DMD: variants seen among roughly 807,000 people sequenced by gnomAD.
The protein encoded by DMD is dystrophin, also known as mutant dystrophin.
A neutral mutation model predicts 330.1 loss-of-function variants in DMD; 63 were observed. The observed-to-expected ratio is 0.19, with a 90% CI of 0.16 to 0.24. DMD has a LOEUF of 0.24. Ranked by LOEUF, DMD falls within the 10% of genes least tolerant of loss-of-function variation. The pLI is 1.00. For missense variants in DMD, 3,344 were observed against 2,684.1 expected, an observed-to-expected ratio of 1.25 and a Z score of -5.43; for synonymous variants, 1,223 against 959.8, an observed-to-expected ratio of 1.27 and a Z score of -5.07.
At chrX:31,988,413 G>T (rs1374937652) in intron 44 of DMD, among the ~76,000 whole-genome samples, 2 of 91,202 alleles carry the variant, frequency 2.2e-5, no homozygotes, top group African/African-American at 8.7e-5. Flanking sequence ...AGTGGAGCTT[G>T]CAGTGAGCCG....
intron 54 of DMD, among the ~76,000 whole-genome samples, chrX:31,649,422 T>G (rs1277281043): frequency 9.0e-6 from 1 of 111,330 alleles, no homozygotes; most frequent in Non-Finnish European, 1.9e-5. Flanking sequence ...CCCTGCAAGC[T>G]AGAAACATTC....
chrX:31,400,993 C>A (rs1433866460), intron 60 of DMD, among the ~76,000 whole-genome samples: 1 of 111,780 alleles, frequency 8.9e-6, no homozygotes, highest in Non-Finnish European at 1.9e-5. Flanking sequence ...TTTGAAACAA[C>A]CAGAACTGCT....
rs189886055 is a variant in DMD at position 31,416,098 on chromosome X, T to C, written c.9084+28383A>G. 5.1e-4 allele frequency among the ~76,000 whole-genome samples: 57 copies of C among 112,236 alleles called. 1 individual carries two copies. In the East Asian group the frequency reaches 0.015, roughly 29 times the overall value. On this transcript the variant is annotated intron_variant, in intron 60 of 78. Coordinates refer to ENST00000357033, the MANE Select transcript of DMD (RefSeq NM_004006.3). ...TCAACATAGATAGTTGGATATTTTATATGTGCAGTTAGTGCAACCTTCAAC... is the reference window on the plus strand; with the variant it reads ...TCAACATAGATAGTTGGATATTTTACATGTGCAGTTAGTGCAACCTTCAAC...
chrX:32,018,526 C>A (rs1188942992), intron 44 of DMD, among the ~76,000 whole-genome samples: 1 of 111,643 alleles, frequency 9.0e-6, no homozygotes, highest in Admixed American at 9.6e-5. Flanking sequence ...TACCACTACT[C>A]TATCTATAAA....
At chrX:31,235,889 T>C (rs1252298642) in intron 63 of DMD, among the ~76,000 whole-genome samples, 2 of 112,213 alleles carry the variant, frequency 1.8e-5, no homozygotes, top group African/African-American at 3.2e-5. Context: ...CTGTATTTAA[T>C]TGTGGCAGAT....
chrX:31,180,605 C>T, intron 68 of DMD, 124 bp from the exon 69 acceptor site: 1 of 547,832 alleles, frequency 1.8e-6, no homozygotes, highest in South Asian at 2.6e-5. Context: ...ATTAGTCCCA[C>T]AAGGTAAGTG....
intron 1 of DMD, among the ~76,000 whole-genome samples, chrX:33,138,157 G>A (rs2047613003): frequency 8.9e-6 from 1 of 111,766 alleles, no homozygotes; most frequent in Non-Finnish European, 1.9e-5. Flanking sequence ...GAAAGAGTTG[G>A]ATTTCCAACC....
At chrX:31,837,388 G>A (rs751483937) in intron 48 of DMD, among the ~76,000 whole-genome samples, 1 of 111,394 alleles carries the variant, frequency 9.0e-6, no homozygotes, top group South Asian at 3.7e-4. Flanking sequence ...TTTATTATTT[G>A]CTTTTCTTCA....
chrX:32,382,431 A>G (rs1200091490), intron 33 of DMD, among the ~76,000 whole-genome samples: 1 of 111,280 alleles, frequency 9.0e-6, no homozygotes, highest in African/African-American at 3.3e-5. Flanking sequence ...AGAAAAACAC[A>G]AAAGATAAAA....
At chrX:31,390,370 T>C (rs2046451052) in intron 60 of DMD, among the ~76,000 whole-genome samples, 1 of 110,293 alleles carries the variant, frequency 9.1e-6, no homozygotes, top group Admixed American at 9.8e-5. Context: ...CCATTTTGTA[T>C]CAATATTTTT....
At chrX:32,657,041 T>C (rs5972638) in intron 9 of DMD, among the ~76,000 whole-genome samples, 7,060 of 105,047 alleles carry the variant, frequency 0.067, 560 homozygotes, top group African/African-American at 0.24. Context: ...GTGTGTGTGT[T>C]TTCTTCCTCT....
chrX:31,727,250 T>C (rs1181595531), intron 52 of DMD, among the ~76,000 whole-genome samples: 2 of 112,173 alleles, frequency 1.8e-5, no homozygotes, highest in Non-Finnish European at 3.8e-5. Context: ...GGGAATTCAG[T>C]CTCATATTGA....
intron 56 of DMD, among the ~76,000 whole-genome samples, chrX:31,502,087 C>T (rs1410045767): frequency 9.0e-6 from 1 of 110,948 alleles, no homozygotes; most frequent in African/African-American, 3.3e-5. Context: ...GAATCTAGAC[C>T]CCTATCTCTC....
intron 44 of DMD, among the ~76,000 whole-genome samples, chrX:32,127,907 G>A (rs1461257387): frequency 9.0e-6 from 1 of 111,708 alleles, no homozygotes; most frequent in East Asian, 2.8e-4. Flanking sequence ...AAGATGATTG[G>A]ACCATAAATG....
At chrX:31,508,250 C>A (rs1214892588) in intron 55 of DMD, 2 of 1,205,031 alleles carry the variant, frequency 1.7e-6, no homozygotes, top group African/African-American at 3.5e-5. Flanking sequence ...TCAGCTTGAA[C>A]CGGGCACTAC....
chrX:32,321,600 T>G (rs979290017), intron 41 of DMD, among the ~76,000 whole-genome samples: 1 of 111,545 alleles, frequency 9.0e-6, no homozygotes, highest in Non-Finnish European at 1.9e-5. Flanking sequence ...CAGAGATGTT[T>G]TCCCATATGT....
intron 1 of DMD, among the ~76,000 whole-genome samples, chrX:33,271,627 T>C (rs1361099450): frequency 9.4e-6 from 1 of 106,730 alleles, no homozygotes; most frequent in Non-Finnish European, 1.9e-5. Context: ...ATTAGCCGGG[T>C]GTGTGGCGGG....
At chrX:32,733,180 T>C (rs1960720959) in intron 7 of DMD, among the ~76,000 whole-genome samples, 1 of 110,239 alleles carries the variant, frequency 9.1e-6, no homozygotes, top group South Asian at 3.8e-4. Flanking sequence ...CATTACATAA[T>C]GGTAAAGGAA....
At chrX:32,149,348 C>T (rs764753981) in intron 44 of DMD, among the ~76,000 whole-genome samples, 41 of 111,948 alleles carry the variant, frequency 3.7e-4, no homozygotes, top group African/African-American at 1.3e-3. Flanking sequence ...CTCATAAAAA[C>T]AGCTAATATT....
Sources: gnomAD v4.1 joint callset for allele counts (sites outside exome capture counted in the v4.1 genomes callset) on GRCh38, gnomAD v4.1.1 for gene constraint, MANE v1.5 for transcripts, NCBI Gene and HGNC (gene_info 2026-07-23, HGNC 2026-07-21) for gene names.